Variants in EIF4G3 observed in about 807,000 individuals in gnomAD.
The protein encoded by EIF4G3 is eIF-4-gamma 3.
EIF4G3 carries 34 observed loss-of-function variants against 186.4 expected under a neutral mutation model. The observed-to-expected ratio is 0.18, with a 90% CI of 0.14 to 0.24. The LOEUF is 0.24. EIF4G3 is among the 10% of genes least tolerant of loss of function. The pLI is 1.00. For missense variants in EIF4G3, 1,536 were observed against 1,948.5 expected, an observed-to-expected ratio of 0.79 and a Z score of 3.99; for synonymous variants, 673 against 679.5, an observed-to-expected ratio of 0.99 and a Z score of 0.15.
chr1:21,148,676 T>G (rs1490511475), intron 2 of EIF4G3, among the ~76,000 whole-genome samples: 1 of 136,656 alleles, frequency 7.3e-6, no homozygotes, highest in African/African-American at 2.8e-5. Context: ...CACTCCAGCC[T>G]GGGCGACAGA....
At chr1:20,907,145 G>T (rs2092332427) in intron 14 of EIF4G3, among the ~76,000 whole-genome samples, 1 of 152,132 alleles carries the variant, frequency 6.6e-6, no homozygotes, top group South Asian at 2.1e-4. Context: ...AATAATAGCA[G>T]TTCTAGGCAA....
chr1:20,825,041 C>T, intron 33 of EIF4G3, 59 bp downstream of exon 33: 1 of 1,122,068 alleles, frequency 8.9e-7, no homozygotes, highest in East Asian at 2.5e-5. Flanking sequence ...ATTACCTTCA[C>T]TTCCTCTATG....
chr1:20,863,229 G>A (rs929491106), intron 22 of EIF4G3, among the ~76,000 whole-genome samples: 1 of 151,790 alleles, frequency 6.6e-6, no homozygotes, highest in African/African-American at 2.4e-5. Flanking sequence ...GCTTCCTAGG[G>A]CCTTCCTAAA....
intron 26 of EIF4G3, 98 bp downstream of exon 26, chr1:20,854,878 CAT>C: frequency 1.0e-6 from 1 of 962,036 alleles, no homozygotes; most frequent in Non-Finnish European, 1.6e-6. Flanking sequence ...TTAGTCTACA[CAT>C]CTTTCCCAAA....
chr1:20,963,878 T>C (rs1389304144), intron 12 of EIF4G3, among the ~76,000 whole-genome samples: 1 of 148,204 alleles, frequency 6.7e-6, no homozygotes, highest in Admixed American at 6.9e-5. Context: ...GCCGAGATTG[T>C]GCCACCGCAC....
chr1:21,091,141 T>A (rs1397988735), intron 2 of EIF4G3, among the ~76,000 whole-genome samples: 1 of 152,066 alleles, frequency 6.6e-6, no homozygotes, highest in Non-Finnish European at 1.5e-5. Flanking sequence ...TATAGTCTTC[T>A]TTTTTTAATT....
chr1:21,056,619 G>T (rs1372958616), intron 3 of EIF4G3, among the ~76,000 whole-genome samples: 2 of 152,130 alleles, frequency 1.3e-5, no homozygotes, highest in Non-Finnish European at 2.9e-5. Flanking sequence ...CTAAATTAAT[G>T]ATTACTGAAT....
chr1:20,870,226 C>T (rs911787831), intron 20 of EIF4G3, among the ~76,000 whole-genome samples: 1 of 152,060 alleles, frequency 6.6e-6, no homozygotes, highest in African/African-American at 2.4e-5. Flanking sequence ...CTCTCTTTTT[C>T]TCTCGGTGTC....
chr1:20,977,385 T>A (rs1253506645), intron 10 of EIF4G3, among the ~76,000 whole-genome samples: 2 of 151,902 alleles, frequency 1.3e-5, no homozygotes, highest in Admixed American at 6.6e-5. Context: ...TGGGGTTTCA[T>A]CATGTTGGCC....
chr1:20,942,305 C>T lies in EIF4G3; in HGVS notation c.849G>A (p.Val283=), dbSNP rs146139719. 229 of 1,585,856 alleles carry T rather than the reference C, an allele frequency of 1.4e-4. No individual in the cohort carries two copies. In the South Asian group the frequency reaches 2.5e-3, roughly 17 times the overall value. ...TAAGGACTGGGGAAGGAGACTTTAA[C>T]ACTGGATCTGGTTTTGGCTTCTCCT... is the stretch of plus-strand genomic sequence containing the variant. The part of the protein sequence containing the change: ...KQEEKPKPDP[V]LKSPSPVLRL... Residue 283 remains valine, a synonymous_variant, in exon 14 of 37, where the codon GTG becomes GTA. Transcript: ENST00000602326.
intron 10 of EIF4G3, among the ~76,000 whole-genome samples, chr1:20,978,843 T>C (rs2077401021): frequency 6.6e-6 from 1 of 152,094 alleles, no homozygotes; most frequent in East Asian, 1.9e-4. Context: ...AACAGAAAAC[T>C]TTTCCCTTCT....
rs911453252 is a variant in EIF4G3 at position 20,806,979 on chromosome 1, TTAAAA to T, written c.*335_*339del. On this transcript the variant is annotated 3_prime_UTR_variant, in exon 37 of 37. Transcript: ENST00000602326. ...AAAATTACACTGGCATTTGCAGTCC[TTAAAA>T]TAAATTAAAAGTTCTCAACTTTTTT... 4.2e-4 allele frequency: 68 copies of T among 160,870 alleles called. No homozygotes were observed. Among genetic ancestry groups the T allele is most frequent in the African/African-American group, 1.6e-3 (65 of 41,920 alleles). 10.0% of individuals were successfully genotyped at this position (160,870 alleles called of 1,614,324 possible).
chr1:21,088,363 T>G (rs2096066415), intron 3 of EIF4G3, among the ~76,000 whole-genome samples: 1 of 151,934 alleles, frequency 6.6e-6, no homozygotes, highest in African/African-American at 2.4e-5. Flanking sequence ...GAGGTTGCAG[T>G]GAGCTGAGAT....
chr1:21,060,705 T>C (rs2094848433), intron 3 of EIF4G3, among the ~76,000 whole-genome samples: 2 of 149,074 alleles, frequency 1.3e-5, no homozygotes. Flanking sequence ...AGTTCGGCGC[T>C]GTAAGGCACC....
intron 2 of EIF4G3, among the ~76,000 whole-genome samples, chr1:21,172,598 G>A (rs1351489137): frequency 6.6e-6 from 1 of 152,072 alleles, no homozygotes; most frequent in African/African-American, 2.4e-5. Flanking sequence ...ACCCAGGTTG[G>A]AGTGCAGTAG....
At chr1:21,087,231 G>C (rs146633198) in intron 3 of EIF4G3, among the ~76,000 whole-genome samples, 143 of 152,168 alleles carry the variant, frequency 9.4e-4, no homozygotes, top group African/African-American at 3.3e-3. Context: ...TTAAAAGATA[G>C]GTTTCACTCC....
rs1285710801 is a variant in EIF4G3 at position 20,950,119 on chromosome 1, T to G, written c.715-8A>C. On this transcript the variant is annotated splice_region_variant and splice_polypyrimidine_tract_variant and intron_variant, in intron 12 of 36. Transcript: ENST00000602326. ...GACCTGGCTGGGCAGCTGCTGGGAT[T>G]TGAAGTACAAAAAAGGGTGATAATG... 10 of 1,571,264 alleles carry G rather than the reference T, an allele frequency of 6.4e-6. No individual in the cohort carries two copies. Among genetic ancestry groups the G allele is most frequent in the East Asian group, 2.3e-5 (1 of 43,952 alleles).
At chr1:20,929,640 T>C (rs943066121) in intron 14 of EIF4G3, 5 of 152,226 alleles carry the variant, frequency 3.3e-5, no homozygotes, top group African/African-American at 1.2e-4. Flanking sequence ...GTGCTTAATA[T>C]GTGTCAGATG....
At chr1:20,980,164 C>T (rs2154566493) in intron 10 of EIF4G3, among the ~76,000 whole-genome samples, 170 bp downstream of exon 10, 1 of 151,886 alleles carries the variant, frequency 6.6e-6, no homozygotes, top group East Asian at 1.9e-4. Context: ...AATGAGACTC[C>T]CATTTCTGGA....
Sources: gnomAD v4.1 joint callset for allele counts (sites outside exome capture counted in the v4.1 genomes callset) on GRCh38, gnomAD v4.1.1 for gene constraint, MANE v1.5 for transcripts, NCBI Gene and HGNC (gene_info 2026-07-23, HGNC 2026-07-21) for gene names.